The following BDNF variants were observed in gnomAD, a reference collection of about 807,000 sequenced individuals.
The protein encoded by BDNF is neurotrophic factor BDNF precursor form.
Under a neutral mutation model 19.5 loss-of-function variants are expected in BDNF, and 1 was observed. The observed-to-expected ratio is 0.05, with a 90% confidence interval of 0.02 to 0.24. The LOEUF is 0.24. Among genes scored for constraint, BDNF ranks in the 10% least tolerant of loss-of-function variants. BDNF has a pLI of 1.00. For synonymous variants in BDNF, 100 were observed against 121.6 expected, an observed-to-expected ratio of 0.82 and a Z score of 1.17; for missense variants, 195 against 317.6, an observed-to-expected ratio of 0.61 and a Z score of 2.93.
chr11:27,718,354 A>ATCCCCCCCCCCCCCC (rs1554950386), intron 1 of BDNF, among the ~76,000 whole-genome samples: 1 of 101,112 alleles, frequency 9.9e-6, no homozygotes, highest in Non-Finnish European at 2.0e-5. Flanking sequence ...TCCGCACACC[A>ATCCCCCCCCCCCCCC]CCCCCCCCCG....
exon 1 of BDNF, chr11:27,721,825 G>T (rs1022739535): frequency 1.4e-5 from 3 of 216,946 alleles, no homozygotes; most frequent in Non-Finnish European, 2.8e-5. Flanking sequence ...GGCACTGAAA[G>T]TTCCCAGAGA....
chr11:27,684,995 T>C (rs1857299345), intron 1 of BDNF, among the ~76,000 whole-genome samples: 1 of 152,218 alleles, frequency 6.6e-6, no homozygotes, highest in Admixed American at 6.5e-5. Context: ...TCTTTGTACT[T>C]CTGGTAGAAT....
At chr11:27,661,571 C>T (rs927257651) in intron 1 of BDNF, among the ~76,000 whole-genome samples, 1 of 152,202 alleles carries the variant, frequency 6.6e-6, no homozygotes, top group Admixed American at 6.5e-5. Flanking sequence ...CTTTCTGCTC[C>T]ATTCAACTCT....
intron 1 of BDNF, among the ~76,000 whole-genome samples, chr11:27,679,379 A>G (rs1856582344): frequency 6.6e-6 from 1 of 152,192 alleles, no homozygotes; most frequent in Non-Finnish European, 1.5e-5. Flanking sequence ...AATTAAAGAT[A>G]TGTTACATTT....
intron 1 of BDNF, among the ~76,000 whole-genome samples, chr11:27,690,517 A>C (rs1210667222): frequency 6.6e-6 from 1 of 152,124 alleles, no homozygotes; most frequent in African/African-American, 2.4e-5. Context: ...TTTCTGAGTT[A>C]ATGATGCCAA....
rs972557300 is a variant in BDNF at position 27,720,771 on chromosome 11, C to G, written c.3+641G>C. 90 of 986,426 alleles carry G rather than the reference C, an allele frequency of 9.1e-5. 2 individuals carry two copies. In the South Asian group the frequency reaches 9.4e-4, roughly 10 times the overall value. The allele number at this position is 986,426 out of a possible 1,614,324, so 61.1% of individuals were successfully genotyped here. ...CTTAAAAATCTCTAATTAAGTGATACTTGATATTGCTCTAGACGGTTTCTT... is the reference window on the plus strand; with the variant it reads ...CTTAAAAATCTCTAATTAAGTGATAGTTGATATTGCTCTAGACGGTTTCTT... On this transcript the variant is annotated intron_variant, in intron 1 of 1. Transcript: ENST00000314915.
chr11:27,679,683 A>G (rs1856609963), intron 1 of BDNF, among the ~76,000 whole-genome samples: 1 of 152,198 alleles, frequency 6.6e-6, no homozygotes. Flanking sequence ...ATGGTTAATC[A>G]TTTAGTTAGA....
At chr11:27,708,880 G>A (rs1249885913) in intron 1 of BDNF, among the ~76,000 whole-genome samples, 1 of 136,500 alleles carries the variant, frequency 7.3e-6, no homozygotes, top group African/African-American at 2.8e-5. Flanking sequence ...CCAGACTGGA[G>A]TGCAATGGCG....
At chr11:27,690,246 C>A (rs1271477285) in intron 1 of BDNF, among the ~76,000 whole-genome samples, 5 of 152,108 alleles carry the variant, frequency 3.3e-5, no homozygotes, top group Admixed American at 6.6e-5. Flanking sequence ...TGAATACTCT[C>A]AACAAGCAGG....
intron 1 of BDNF, chr11:27,720,262 CCTCCACCACGCGTCCT>C: frequency 2.3e-5 from 21 of 930,314 alleles, no homozygotes; most frequent in Non-Finnish European, 2.7e-5. Context: ...TACCTCCTCC[CCTCCACCACGCGTCCT>C]CTCCGGAAGA....
intron 1 of BDNF, among the ~76,000 whole-genome samples, chr11:27,697,183 A>AGC (rs1859177796): frequency 6.6e-6 from 1 of 152,002 alleles, no homozygotes; most frequent in East Asian, 1.9e-4. Context: ...AGAGAGAGAG[A>AGC]GAGAGAGAGA....
intron 1 of BDNF, among the ~76,000 whole-genome samples, chr11:27,718,354 A>ACCCCCCCACCCCCCC (rs1860601043): frequency 9.9e-6 from 1 of 101,114 alleles, no homozygotes; most frequent in Non-Finnish European, 2.0e-5. Context: ...TCCGCACACC[A>ACCCCCCCACCCCCCC]CCCCCCCCCG....
rs947529837 is a variant in BDNF at position 27,693,954 on chromosome 11, C to T, written c.-22+6210G>A. ...TTAGATATATGTGCATACACACACA[C>T]GCACCTTTATTTTAGTAATTTTTTT... On this transcript the variant is annotated intron_variant, in intron 1 of 1. Transcript: ENST00000356660. Among the ~76,000 whole-genome samples, 10 of 152,200 alleles carry T rather than the reference C, an allele frequency of 6.6e-5. No individual in the cohort carries two copies. In the Middle Eastern group the frequency reaches 0.01, roughly 155 times the overall value.
chr11:27,682,273 T>C (rs1856931313), intron 1 of BDNF, among the ~76,000 whole-genome samples: 1 of 151,976 alleles, frequency 6.6e-6, no homozygotes, highest in African/African-American at 2.4e-5. Flanking sequence ...ATACCAAACT[T>C]ACAAATCTTG....
chr11:27,670,207 T>C (rs1161377566), intron 1 of BDNF, among the ~76,000 whole-genome samples: 1 of 152,232 alleles, frequency 6.6e-6, no homozygotes, highest in Non-Finnish European at 1.5e-5. Flanking sequence ...GCTAGCCATA[T>C]GTAGAAAGCT....
At chr11:27,674,989 G>A in intron 1 of BDNF, 1 of 809,874 alleles carries the variant, frequency 1.2e-6, no homozygotes, top group Non-Finnish European at 1.5e-6. Flanking sequence ...TTATAGCTGA[G>A]GAAACTGAGG....
intron 1 of BDNF, among the ~76,000 whole-genome samples, chr11:27,664,354 TC>T: frequency 6.6e-6 from 1 of 150,610 alleles, no homozygotes; most frequent in Admixed American, 6.6e-5. Context: ...CTTACCTCCC[TC>T]CCTAGGAGGG....
At chr11:27,663,726 A>G (rs1393636048) in intron 1 of BDNF, among the ~76,000 whole-genome samples, 1 of 152,212 alleles carries the variant, frequency 6.6e-6, no homozygotes, top group African/African-American at 2.4e-5. Flanking sequence ...CAGTTTTAGA[A>G]TATCAGCCAC....
Position 27,688,204 on chromosome 11 carries a change from A to G in BDNF, c.-22+11960T>C, listed in dbSNP as rs189539487. ...CAAACTTCCCAGTGGCTTTGTTTACATTGTGAGAGGAAAACAGCCTACTCA... is the reference window on the plus strand; with the variant it reads ...CAAACTTCCCAGTGGCTTTGTTTACGTTGTGAGAGGAAAACAGCCTACTCA... On this transcript the variant is annotated intron_variant, in intron 1 of 1. Transcript: ENST00000356660. 4.6e-5 allele frequency among the ~76,000 whole-genome samples: 7 copies of G among 152,312 alleles called. No individual in the cohort carries two copies. The East Asian group carries it at 1.2e-3, about 25-fold the overall frequency.
Sources: gnomAD v4.1 joint callset for allele counts (sites outside exome capture counted in the v4.1 genomes callset) on GRCh38, gnomAD v4.1.1 for gene constraint, MANE v1.5 for transcripts, NCBI Gene and HGNC (gene_info 2026-07-23, HGNC 2026-07-21) for gene names.